Variants in PCDHGA3 observed in about 807,000 individuals in gnomAD.
The protein encoded by PCDHGA3 is protocadherin gamma subfamily A, 3, also known as protocadherin gamma-A3.
PCDHGA3 carries 40 observed loss-of-function variants against 58.5 expected under a neutral mutation model. That is an observed-to-expected ratio of 0.68 (90% CI 0.53 to 0.89). The LOEUF is 0.89. PCDHGA3 is among the 40% of genes least tolerant of loss of function. The probability of loss-of-function intolerance (pLI) is 0.00; values close to 1 mark genes in which losing one functional copy is unlikely to be tolerated. For missense variants in PCDHGA3, 1,223 were observed against 1,195.9 expected (o/e 1.02, Z -0.33); for synonymous variants, 530 against 525.7 (o/e 1.01, Z -0.11).
intron 3 of PCDHGA3, among the ~76,000 whole-genome samples, chr5:141,509,164 C>A (rs1454864362): frequency 6.6e-6 from 1 of 152,188 alleles, no homozygotes; most frequent in Non-Finnish European, 1.5e-5. Context: ...TCCCGTGTGC[C>A]CTCCTCCTCT....
chr5:141,351,217 T>C, intron 1 of PCDHGA3: 1 of 1,614,054 alleles, frequency 6.2e-7, no homozygotes. Flanking sequence ...AAGCTAAGGA[T>C]GGAGGAGTAC....
intron 1 of PCDHGA3, chr5:141,418,494 T>TGATGGTGGG: frequency 6.2e-7 from 1 of 1,614,020 alleles, no homozygotes; most frequent in Non-Finnish European, 8.5e-7. Context: ...CACTTGGTAC[T>TGATGGTGGG]GACCGCCTTA....
chr5:141,375,629 G>A (rs567513392), intron 1 of PCDHGA3: 3 of 1,614,192 alleles, frequency 1.9e-6, no homozygotes, highest in Admixed American at 1.7e-5. Flanking sequence ...GATTCTGTAC[G>A]CCCTGCGCTC....
intron 1 of PCDHGA3, chr5:141,366,664 G>C: frequency 6.2e-7 from 1 of 1,614,236 alleles, no homozygotes; most frequent in Non-Finnish European, 8.5e-7. Context: ...ACGCAGACAC[G>C]CTCCTTAGTG....
intron 1 of PCDHGA3, among the ~76,000 whole-genome samples, chr5:141,473,757 T>C (rs993403397): frequency 6.6e-6 from 1 of 152,240 alleles, no homozygotes; most frequent in Non-Finnish European, 1.5e-5. Context: ...TTGGATACTA[T>C]GCAAAGGATT....
At chr5:141,400,420 T>C (rs1323719998) in intron 1 of PCDHGA3, 1 of 1,613,936 alleles carries the variant, frequency 6.2e-7, no homozygotes, top group Non-Finnish European at 8.5e-7. Context: ...TTTCCTAAAA[T>C]GTAGTGAGCA....
chr5:141,417,641 C>G (rs1266850894), intron 1 of PCDHGA3: 12 of 779,426 alleles, frequency 1.5e-5, no homozygotes, highest in Non-Finnish European at 2.1e-5. Context: ...CCGGGGATCC[C>G]TCAGCCTCTA....
In PCDHGA3 at chr5:141,476,780, C is replaced by T. The variant is rs201463036; in HGVS notation, c.2425-18027C>T. On this transcript the variant is annotated intron_variant, in intron 1 of 3. Transcript: ENST00000253812. This position sits in a 1 kb window ranked among gnomAD's most constrained non-coding sequence, Gnocchi z 7.6. ...GCTGACGGCGTTGGACGGAGGGACCCCAGCTCTCTCCGCCAGCCTGCCTAT... is the reference window on the plus strand; with the variant it reads ...GCTGACGGCGTTGGACGGAGGGACCTCAGCTCTCTCCGCCAGCCTGCCTAT... 234 of 1,613,464 alleles carry T rather than the reference C, an allele frequency of 1.5e-4. No individual in the cohort carries two copies. Among genetic ancestry groups the T allele is most frequent in the Non-Finnish European group, 1.9e-4 (227 of 1,180,026 alleles).
Position 141,486,595 on chromosome 5 carries a change from T to G in PCDHGA3, c.2425-8212T>G. ...AGAACAATCGCCCAGGGGACCTGCTTTGCTCCCTTGCAGCCTCTGACCCAG... is the reference window on the plus strand; with the variant it reads ...AGAACAATCGCCCAGGGGACCTGCTGTGCTCCCTTGCAGCCTCTGACCCAG... On this transcript the variant is annotated intron_variant, in intron 1 of 3. Coordinates refer to ENST00000253812, the MANE Select transcript of PCDHGA3 (RefSeq NM_018916.4). This position sits in a 1 kb window ranked among gnomAD's most constrained non-coding sequence, Gnocchi z 5.0. The G allele has an allele frequency of 6.2e-7, 1 of 1,613,614 alleles. No homozygotes were observed. Among genetic ancestry groups the G allele is most frequent in the Non-Finnish European group, 8.5e-7 (1 of 1,180,016 alleles).
intron 1 of PCDHGA3, among the ~76,000 whole-genome samples, chr5:141,348,005 C>T (rs1001177400): frequency 2.0e-5 from 3 of 152,128 alleles, no homozygotes; most frequent in Non-Finnish European, 4.4e-5. Flanking sequence ...TCAGCCTCTG[C>T]GGGAGATTTC....
intron 1 of PCDHGA3, chr5:141,392,130 A>T (rs770884253): frequency 6.6e-6 from 1 of 152,238 alleles, no homozygotes; most frequent in African/African-American, 2.4e-5. Context: ...TTGTAAAATG[A>T]TTAAGTAGTT....
intron 1 of PCDHGA3, among the ~76,000 whole-genome samples, chr5:141,406,576 A>T (rs909778588): frequency 8.5e-5 from 13 of 152,222 alleles, no homozygotes; most frequent in Non-Finnish European, 8.8e-5. Context: ...CTAGTAAACC[A>T]ATTTTTTCCC....
At chr5:141,404,614 C>T in intron 1 of PCDHGA3, 5 of 1,614,078 alleles carry the variant, frequency 3.1e-6, no homozygotes, top group Non-Finnish European at 4.2e-6. Context: ...TTGTTTTGGA[C>T]CAGAATGACA....
At position 141,485,343 on chromosome 5, in the gene PCDHGA3, A is replaced by G; in HGVS notation, c.2425-9464A>G. ...GCTCAAGATTTCCTGCTGGATACGG[A>G]CAGTCTGTCAGCTCGCAGGCTGCAG... On this transcript the variant is annotated intron_variant, in intron 1 of 3. Transcript: ENST00000253812. This position sits in a 1 kb window ranked among gnomAD's most constrained non-coding sequence, Gnocchi z 5.7. 1 of 1,614,062 alleles carries G rather than the reference A, an allele frequency of 6.2e-7. No homozygotes were observed. Among genetic ancestry groups the G allele is most frequent in the Non-Finnish European group, 8.5e-7 (1 of 1,179,984 alleles).
At chr5:141,438,633 TATACACACAC>T (rs1369232099) in intron 1 of PCDHGA3, among the ~76,000 whole-genome samples, 454 of 33,892 alleles carry the variant, frequency 0.013, 1 homozygote, top group Non-Finnish European at 0.019. Flanking sequence ...TATATATATA[TATACACACAC>T]ACACACACAT....
chr5:141,371,078 C>G (rs776361776), intron 1 of PCDHGA3: 7 of 1,613,888 alleles, frequency 4.3e-6, no homozygotes, highest in Non-Finnish European at 5.9e-6. Context: ...CCACCCAGAT[C>G]AGGGTAATTG....
At chr5:141,388,571 C>A in intron 1 of PCDHGA3, 2 of 1,613,830 alleles carry the variant, frequency 1.2e-6, no homozygotes, top group Non-Finnish European at 1.7e-6. Context: ...CACAGATACA[C>A]GTTCTAGTGA....
intron 1 of PCDHGA3, among the ~76,000 whole-genome samples, chr5:141,436,469 G>A (rs376024456): frequency 6.6e-6 from 1 of 152,304 alleles, no homozygotes; most frequent in East Asian, 1.9e-4. Flanking sequence ...ATTTTCAGAT[G>A]TATCATAGAA....
At chr5:141,359,955 C>A in intron 1 of PCDHGA3, 1 of 566,746 alleles carries the variant, frequency 1.8e-6, no homozygotes, top group Non-Finnish European at 2.8e-6. Flanking sequence ...GTCAAAAGAA[C>A]GAAGAGAAGC....
Sources: gnomAD v4.1 joint callset for allele counts (sites outside exome capture counted in the v4.1 genomes callset) on GRCh38, gnomAD v4.1.1 for gene constraint, Gnocchi (gnomAD v3.1) non-coding constraint, MANE v1.5 for transcripts, NCBI Gene and HGNC (gene_info 2026-07-23, HGNC 2026-07-21) for gene names.